The following NADK variants were observed in gnomAD, a reference collection of about 807,000 sequenced individuals.
NADK encodes NAD kinase, also known as poly(P)/ATP NAD kinase.
In NADK, 22 loss-of-function variants were observed where a neutral mutation model predicts 49.8. The observed-to-expected ratio is 0.44, with a 90% CI of 0.32 to 0.63. The LOEUF (loss-of-function observed/expected upper bound fraction) is 0.63, where lower values mean the gene tolerates loss of function less well. Among genes scored for constraint, NADK ranks in the 30% least tolerant of loss-of-function variants. The pLI, the probability that NADK is intolerant of heterozygous loss-of-function variation, is 0.06. For synonymous variants in NADK, 268 were observed against 253.7 expected (o/e 1.06, Z -0.54); for missense variants, 438 against 609.4 (o/e 0.72, Z 2.96).
chr1:1,756,291 G>A lies in NADK; in HGVS notation c.552C>T (p.Asp184=), dbSNP rs758157339. The part of the protein sequence containing the change: ...QIDFIICLGG[D]GTLLYASSLF... ...GCGAGGAAGCGTACAGCAGCGTCCC[G>A]TCTCCCCCCAGGCAGATGATGAAGT... is the stretch of plus-strand genomic sequence containing the variant. Residue 184 remains aspartate, a synonymous_variant, in exon 6 of 12, where the codon GAC becomes GAT. Transcript: ENST00000341426. 1.9e-5 allele frequency: 30 copies of A among 1,614,132 alleles called. No homozygotes were observed. The highest frequency in any genetic ancestry group is 6.7e-5 in the East Asian group (3 of 44,886).
chr1:1,765,193 A>G, intron 2 of NADK, 35 bp downstream of exon 2: 3 of 1,521,926 alleles, frequency 2.0e-6, no homozygotes, highest in Non-Finnish European at 2.7e-6. Context: ...AAATCAGACG[A>G]GAAAAAAAAG....
intron 1 of NADK, among the ~76,000 whole-genome samples, chr1:1,774,306 C>T (rs1646144489): frequency 6.6e-6 from 1 of 152,074 alleles, no homozygotes; most frequent in Non-Finnish European, 1.5e-5. Flanking sequence ...TCTCGGCTCA[C>T]CGCAAACTCT....
chr1:1,777,905 C>T (rs1482839272), intron 1 of NADK, among the ~76,000 whole-genome samples: 4 of 152,194 alleles, frequency 2.6e-5, no homozygotes, highest in Admixed American at 6.5e-5. Context: ...GGTTTGGGCC[C>T]CTCTAAGCTT....
At chr1:1,775,959 G>C (rs1646198278) in intron 1 of NADK, among the ~76,000 whole-genome samples, 3 of 152,172 alleles carry the variant, frequency 2.0e-5, no homozygotes, top group African/African-American at 7.2e-5. Flanking sequence ...GGCGGTGACT[G>C]TCAACAGGTA....
chr1:1,756,119 TG>T, intron 6 of NADK, 138 bp downstream of exon 6: 1 of 792,084 alleles, frequency 1.3e-6, no homozygotes, highest in Non-Finnish European at 2.1e-6. Flanking sequence ...GCTGCCACCA[TG>T]GGCCTCAGTG....
chr1:1,759,001 G>A lies in NADK; in HGVS notation c.264-1691C>T. On this transcript the variant is annotated intron_variant, in intron 3 of 11. Coordinates refer to ENST00000341426, the MANE Select transcript of NADK (RefSeq NM_023018.5). Reference sequence around the variant, plus strand: ...TCACTCTGCTTGGCTCCGGCCCAAGGGCGTGCAGGTGGCTCACGGTCCTCC... The same window carrying A: ...TCACTCTGCTTGGCTCCGGCCCAAGAGCGTGCAGGTGGCTCACGGTCCTCC... The A allele has an allele frequency of 3.6e-6, 5 of 1,387,606 alleles. No homozygotes were observed. The South Asian group carries it at 7.6e-5, about 21-fold the overall frequency. 86.0% of individuals were successfully genotyped at this position (1,387,606 alleles called of 1,614,324 possible).
At chr1:1,757,825 G>A (rs1213798899) in intron 3 of NADK, among the ~76,000 whole-genome samples, 2 of 151,976 alleles carry the variant, frequency 1.3e-5, no homozygotes, top group Admixed American at 6.6e-5. Context: ...TTCCCCCCCT[G>A]CACACAGCTC....
upstream of NADK, chr1:1,779,822 C>G (rs964069513): frequency 2.0e-5 from 3 of 152,372 alleles, no homozygotes; most frequent in African/African-American, 7.2e-5. Context: ...GGTTCAGTCC[C>G]TGTCTATACT....
chr1:1,752,761 G>T lies in NADK; in HGVS notation c.*143C>A. ...AAAAAAACAGCTGATCTGGACAAAA[G>T]GCAGACCCAGGCTCTAACCCAGCTA... On this transcript the variant is annotated 3_prime_UTR_variant, in exon 12 of 12. Coordinates refer to ENST00000341426, the MANE Select transcript of NADK (RefSeq NM_023018.5). 1 of 965,520 alleles carries T rather than the reference G, an allele frequency of 1.0e-6. No homozygotes were observed. The highest frequency in any genetic ancestry group is 1.5e-6 in the Non-Finnish European group (1 of 649,418). The allele number at this position is 965,520 out of a possible 1,614,324, so 59.8% of individuals were successfully genotyped here.
chr1:1,761,639 G>C, intron 3 of NADK: 1 of 300,720 alleles, frequency 3.3e-6, no homozygotes, highest in South Asian at 4.6e-5. Context: ...CCCACGGGCT[G>C]TGACCCGGTC....
intron 4 of NADK, 31 bp from the exon 5 acceptor site, chr1:1,756,639 ACCTGCAGACCCCACCCT>A: frequency 6.2e-7 from 1 of 1,613,398 alleles, no homozygotes; most frequent in African/African-American, 1.3e-5. Flanking sequence ...TGCTCATTCC[ACCTGCAGACCCCACCCT>A]CCTGCAGGGA....
upstream of NADK, chr1:1,778,837 C>T (rs1160720015): frequency 6.6e-6 from 1 of 152,004 alleles, no homozygotes; most frequent in East Asian, 1.9e-4. The surrounding 1 kb of genome is among the most constrained non-coding windows in gnomAD (Gnocchi z 4.9). Flanking sequence ...GTCCCGCCCC[C>T]AACTCACCGC....
In NADK at chr1:1,756,141, T is replaced by C. The variant is rs1045364327; in HGVS notation, c.585+117A>G. 23 of 1,001,846 alleles carry C rather than the reference T, an allele frequency of 2.3e-5. No homozygotes were observed. The African/African-American group carries it at 3.0e-4, about 13-fold the overall frequency. The allele number at this position is 1,001,846 out of a possible 1,614,324, so 62.1% of individuals were successfully genotyped here. ...CCATGGGCCTCAGTGCTGGCCGCTC[T>C]AGGTGACTGCTCTCGTATAAAGGGG... On this transcript the variant is annotated intron_variant, in intron 6 of 11. Coordinates refer to ENST00000341426, the MANE Select transcript of NADK (RefSeq NM_023018.5).
intron 1 of NADK, among the ~76,000 whole-genome samples, chr1:1,769,359 C>T (rs907836834): frequency 7.2e-5 from 11 of 152,160 alleles, no homozygotes; most frequent in African/African-American, 2.7e-4. Context: ...CCAGCCTGGC[C>T]AACATGGCGA....
Position 1,755,481 on chromosome 1 carries a change from G to C in NADK, c.586-5C>G. On this transcript the variant is annotated splice_polypyrimidine_tract_variant and splice_region_variant and intron_variant, in intron 6 of 11. Transcript: ENST00000341426. The stretch of plus-strand genomic sequence containing the variant: ...CATGACCGGAGGGACGCTGCCCTGT[G>C]AGCCGACGGAGAGGTCACTCAGTGC... The C allele has an allele frequency of 6.2e-7, 1 of 1,611,834 alleles. No individual in the cohort carries two copies.
intron 2 of NADK, among the ~76,000 whole-genome samples, chr1:1,763,162 C>G (rs779824075): frequency 2.0e-5 from 3 of 152,248 alleles, no homozygotes; most frequent in Non-Finnish European, 4.4e-5. Context: ...TCAGTGGTCA[C>G]GGACTTGTTT....
chr1:1,766,248 A>C (rs1645881324), intron 1 of NADK, among the ~76,000 whole-genome samples: 1 of 151,844 alleles, frequency 6.6e-6, no homozygotes, highest in Admixed American at 6.6e-5. Context: ...CTCTATTAAA[A>C]TTACAAAATT....
rs1391867031 is a variant in NADK at position 1,752,339 on chromosome 1, G to A, written c.*565C>T. 1 of 152,718 alleles carries A rather than the reference G, an allele frequency of 6.5e-6. No homozygotes were observed. The highest frequency in any genetic ancestry group is 2.4e-5 in the African/African-American group (1 of 41,472). The allele number at this position is 152,718 out of a possible 1,614,324, so 9.5% of individuals were successfully genotyped here. A position where few individuals can be genotyped will look rare whatever the true frequency, so the allele number is the denominator to read the frequency against. ...ACTCAGTGCTGGCCTCAAGCGGGGA[G>A]GGCTGGATGGCAGGGGACGCATCCA... On this transcript the variant is annotated 3_prime_UTR_variant, in exon 12 of 12. Transcript: ENST00000341426.
At chr1:1,755,330 G>T in intron 7 of NADK, 44 bp downstream of exon 7, 4 of 1,370,258 alleles carry the variant, frequency 2.9e-6, no homozygotes, top group Non-Finnish European at 4.2e-6. Context: ...AGACAGCAGC[G>T]CCATGATCAG....
Sources: gnomAD v4.1 joint callset for allele counts (sites outside exome capture counted in the v4.1 genomes callset) on GRCh38, gnomAD v4.1.1 for gene constraint, Gnocchi (gnomAD v3.1) non-coding constraint, MANE v1.5 for transcripts, NCBI Gene and HGNC (gene_info 2026-07-23, HGNC 2026-07-21) for gene names.